The following SBF2 variants were observed in gnomAD, a reference collection of about 807,000 sequenced individuals.
The protein encoded by SBF2 is myotubularin-related protein 13.
SBF2 carries 112 observed loss-of-function variants against 225.2 expected under a neutral mutation model. That is an observed-to-expected ratio of 0.50 (90% CI 0.43 to 0.58). SBF2 has a LOEUF of 0.58. SBF2 is among the 20% of genes least tolerant of loss of function. SBF2 has a pLI of 0.00. For synonymous variants in SBF2, 763 were observed against 773.3 expected, an observed-to-expected ratio of 0.99 and a Z score of 0.22; for missense variants, 1,996 against 2,206.2, an observed-to-expected ratio of 0.90 and a Z score of 1.91.
intron 13 of SBF2, among the ~76,000 whole-genome samples, chr11:9,989,055 T>TATATATATATATATATAC (rs963608316): frequency 4.9e-5 from 7 of 142,620 alleles, no homozygotes; most frequent in African/African-American, 7.4e-5. Context: ...TATATATATA[T>TATATATATATATATATAC]ACATATGCAT....
At chr11:10,179,355 TAAAAAACAAACAAAAAACAAAAACA>T (rs1431042983) in intron 2 of SBF2, among the ~76,000 whole-genome samples, 7 of 142,908 alleles carry the variant, frequency 4.9e-5, no homozygotes, top group Middle Eastern at 3.5e-3. Context: ...AATAATAAAT[TAAAAAACAAACAAAAAACAAAAACA>T]AAAAAACAAA....
chr11:9,892,189 GCT>G lies in SBF2; in HGVS notation c.1929+3752_1929+3753del, dbSNP rs1436974624. On this transcript the variant is annotated intron_variant, in intron 17 of 39. Transcript: ENST00000256190. Reference sequence around the variant, plus strand: ...GCTGGAGTGCAGTGGCGTGATCTCGGCTCACTGCAGCCTCTGCCTCCTGAGTT... The same window carrying G: ...GCTGGAGTGCAGTGGCGTGATCTCGGCACTGCAGCCTCTGCCTCCTGAGTT... Among the ~76,000 whole-genome samples the G allele has an allele frequency of 3.9e-5, 6 of 152,106 alleles. No individual in the cohort carries two copies. In the East Asian group the frequency reaches 5.8e-4, roughly 15 times the overall value.
At chr11:10,080,272 T>TAAAAAAAAAAAAAAAAAAAAAAAA (rs1951314443) in intron 2 of SBF2, among the ~76,000 whole-genome samples, 1 of 109,012 alleles carries the variant, frequency 9.2e-6, no homozygotes, top group African/African-American at 3.3e-5. Flanking sequence ...AAAAAAAAAG[T>TAAAAAAAAAAAAAAAAAAAAAAAA]AAACCCCAAA....
chr11:9,783,943 G>T (rs962371960), intron 38 of SBF2, among the ~76,000 whole-genome samples: 2 of 152,182 alleles, frequency 1.3e-5, no homozygotes, highest in Non-Finnish European at 2.9e-5. Context: ...CGAGGACGAA[G>T]GTAACTTGTA....
In SBF2 at chr11:9,778,952, A is replaced by T. The variant is rs1851870193; in HGVS notation, c.*1466T>A. On this transcript the variant is annotated 3_prime_UTR_variant, in exon 40 of 40. Coordinates refer to ENST00000256190, the MANE Select transcript of SBF2 (RefSeq NM_030962.4). ...TTTACAAAGTACAAAAAATTATTTCATATACAAAGAAAAATACAAATAATG... is the reference window on the plus strand; with the variant it reads ...TTTACAAAGTACAAAAAATTATTTCTTATACAAAGAAAAATACAAATAATG... 2 of 152,700 alleles carry T rather than the reference A, an allele frequency of 1.3e-5. No individual in the cohort carries two copies. The highest frequency in any genetic ancestry group is 2.9e-5 in the Non-Finnish European group (2 of 68,040). 9.5% of individuals were successfully genotyped at this position (152,700 alleles called of 1,614,324 possible). A position where few individuals can be genotyped will look rare whatever the true frequency, so the allele number is the denominator to read the frequency against.
At chr11:10,266,613 T>G (rs1962017597) in intron 1 of SBF2, among the ~76,000 whole-genome samples, 1 of 152,172 alleles carries the variant, frequency 6.6e-6, no homozygotes, top group South Asian at 2.1e-4. Flanking sequence ...AGAGAAGAAT[T>G]TAACTGAAAG....
intron 1 of SBF2, among the ~76,000 whole-genome samples, chr11:10,231,385 T>C (rs191215332): frequency 6.6e-6 from 1 of 152,226 alleles, no homozygotes; most frequent in Admixed American, 6.5e-5. Flanking sequence ...AGAAGCGCTC[T>C]GATTTTTAGA....
chr11:9,915,486 CT>C (rs1863008675), intron 16 of SBF2: 1 of 150,026 alleles, frequency 6.7e-6, no homozygotes, highest in Admixed American at 6.7e-5. Context: ...TGATAAACTG[CT>C]TCCTCTAACT....
At chr11:10,269,142 T>C (rs2135531666) in intron 1 of SBF2, among the ~76,000 whole-genome samples, 1 of 152,328 alleles carries the variant, frequency 6.6e-6, no homozygotes. Flanking sequence ...TCTTTTGGCT[T>C]TCAGAAACAG....
chr11:10,057,609 G>A (rs994148130), intron 2 of SBF2, among the ~76,000 whole-genome samples: 3 of 152,132 alleles, frequency 2.0e-5, no homozygotes, highest in African/African-American at 7.2e-5. Flanking sequence ...ATGACCCTTG[G>A]CCACAACCAC....
rs1300253311 is a variant in SBF2, at chr11:9,998,316, A to C, written c.925T>G (p.Ser309Ala). ...TGTAGAAGTGGTTCTGGGAGGGAAG[A>C]GAGGTGAATACATTCGGGAATTTTA... ...TIKIPECIHLSSLPEPLLHQT... is the reference protein window; with the variant it reads ...TIKIPECIHLASLPEPLLHQT... Residue 309 changes from serine (S) to alanine (A), a missense_variant, in exon 9 of 40, where the codon TCT (serine) becomes GCT (alanine). By Grantham distance (99) the Ser-to-Ala change is moderately conservative. Coordinates refer to ENST00000256190, the MANE Select transcript of SBF2 (RefSeq NM_030962.4). 1.9e-6 allele frequency: 3 copies of C among 1,609,930 alleles called. No individual in the cohort carries two copies. Among genetic ancestry groups the C allele is most frequent in the Non-Finnish European group, 2.6e-6 (3 of 1,176,444 alleles).
At chr11:10,143,866 C>T (rs1306012636) in intron 2 of SBF2, among the ~76,000 whole-genome samples, 1 of 152,122 alleles carries the variant, frequency 6.6e-6, no homozygotes, top group Non-Finnish European at 1.5e-5. Context: ...TACAGGCACT[C>T]GCTACCGCGC....
At chr11:10,238,182 G>C (rs1959154063) in intron 1 of SBF2, among the ~76,000 whole-genome samples, 1 of 152,296 alleles carries the variant, frequency 6.6e-6, no homozygotes. Context: ...ATGGAAGCAG[G>C]AAGACTGCTT....
At chr11:10,195,168 A>G (rs1344607860) in intron 1 of SBF2, among the ~76,000 whole-genome samples, 1 of 152,148 alleles carries the variant, frequency 6.6e-6, no homozygotes, top group Non-Finnish European at 1.5e-5. Context: ...TGTCCTGTGC[A>G]TTGTAGGATG....
intron 16 of SBF2, among the ~76,000 whole-genome samples, chr11:9,914,927 C>T (rs570171597): frequency 1.2e-4 from 12 of 103,136 alleles, no homozygotes; most frequent in African/African-American, 4.5e-4. Context: ...TATAGATGTG[C>T]GGGGGGCAGG....
At chr11:10,058,488 A>G (rs745870646) in intron 2 of SBF2, among the ~76,000 whole-genome samples, 1 of 152,206 alleles carries the variant, frequency 6.6e-6, no homozygotes, top group African/African-American at 2.4e-5. Flanking sequence ...AAAAGGAATG[A>G]ACAAAACTTT....
chr11:9,984,987 A>G (rs905457629), intron 13 of SBF2, among the ~76,000 whole-genome samples: 4 of 152,260 alleles, frequency 2.6e-5, no homozygotes, highest in African/African-American at 7.2e-5. Flanking sequence ...TCTTTAAAGC[A>G]TAAATCACAC....
intron 1 of SBF2, among the ~76,000 whole-genome samples, chr11:10,213,066 T>C (rs1957997208): frequency 1.3e-5 from 2 of 151,642 alleles, no homozygotes; most frequent in Admixed American, 1.3e-4. Flanking sequence ...AAAAAAGTTC[T>C]GTTACTTGCC....
At chr11:9,899,488 A>T (rs1309144386) in intron 16 of SBF2, among the ~76,000 whole-genome samples, 1 of 138,662 alleles carries the variant, frequency 7.2e-6, no homozygotes, top group Non-Finnish European at 1.6e-5. Flanking sequence ...TGGGTGACAC[A>T]GAGAGACACT....
Sources: gnomAD v4.1 joint callset for allele counts (sites outside exome capture counted in the v4.1 genomes callset) on GRCh38, gnomAD v4.1.1 for gene constraint, MANE v1.5 for transcripts, NCBI Gene and HGNC (gene_info 2026-07-23, HGNC 2026-07-21) for gene names.